VAV3: variants seen among roughly 807,000 people sequenced by gnomAD.
VAV3 encodes the protein guanine nucleotide exchange factor VAV3.
Under a neutral mutation model 131.2 loss-of-function variants are expected in VAV3, and 94 were observed. The observed-to-expected ratio is 0.72, with a 90% CI of 0.61 to 0.85. The LOEUF is 0.85. Among genes scored for constraint, VAV3 ranks in the 40% least tolerant of loss-of-function variants. VAV3 has a pLI of 0.00. For synonymous variants in VAV3, 349 were observed against 342.0 expected (o/e 1.02, Z -0.22); for missense variants, 939 against 1,002.7 (o/e 0.94, Z 0.86).
In VAV3 at chr1:107,866,822, CAAAA is replaced by C. The variant is rs66866060; in HGVS notation, c.321+8075_321+8078del. 5.3e-3 allele frequency among the ~76,000 whole-genome samples: 313 copies of C among 59,152 alleles called. 1 individual carries two copies. Among genetic ancestry groups the C allele is most frequent in the South Asian group, 0.024 (38 of 1,614 alleles). The allele number at this position is 59,152 out of a possible 152,430, so 38.8% of individuals were successfully genotyped here. A position where few individuals can be genotyped will look rare whatever the true frequency, so the allele number is the denominator to read the frequency against. On this transcript the variant is annotated intron_variant, in intron 2 of 26. Coordinates refer to ENST00000370056, the MANE Select transcript of VAV3 (RefSeq NM_006113.5). The stretch of plus-strand genomic sequence containing the variant: ...TGGGCAAAAGAGCGAGACTCCATCT[CAAAA>C]AAAAAAAAAAAAAAAAAAAAAATAG...
At chr1:107,649,375 A>G (rs2101561011) in intron 19 of VAV3, among the ~76,000 whole-genome samples, 1 of 152,242 alleles carries the variant, frequency 6.6e-6, no homozygotes, top group South Asian at 2.1e-4. Flanking sequence ...CTCTTACAGA[A>G]CATGGAAGCA....
intron 1 of VAV3, among the ~76,000 whole-genome samples, chr1:107,896,674 T>C (rs1000523705): frequency 6.7e-6 from 1 of 150,334 alleles, no homozygotes; most frequent in Admixed American, 6.6e-5. Context: ...TGATTCTATA[T>C]GGTTGTTGTA....
chr1:107,581,213 CT>C (rs1208178813), intron 25 of VAV3, among the ~76,000 whole-genome samples: 1 of 152,166 alleles, frequency 6.6e-6, no homozygotes, highest in African/African-American at 2.4e-5. Context: ...AACGGCATAA[CT>C]TTCCCCCTTT....
intron 5 of VAV3, 52 bp downstream of exon 5, chr1:107,772,683 C>T (rs4611048): frequency 0.99 from 1,437,284 of 1,448,268 alleles, 713,819 homozygotes; most frequent in East Asian, 1. Context: ...TGTTAATTAG[C>T]CTTTCCTAAT....
chr1:107,731,869 G>T (rs566745043), intron 15 of VAV3, among the ~76,000 whole-genome samples: 1 of 152,276 alleles, frequency 6.6e-6, no homozygotes, highest in East Asian at 1.9e-4. Flanking sequence ...TTATGAAAAG[G>T]TATTCAGAAT....
chr1:107,780,832 T>A (rs1665646122), intron 2 of VAV3, among the ~76,000 whole-genome samples: 1 of 152,184 alleles, frequency 6.6e-6, no homozygotes, highest in Non-Finnish European at 1.5e-5. Flanking sequence ...TTTATTTTTA[T>A]GATAATAGAT....
At chr1:107,927,137 T>A (rs1409687574) in intron 1 of VAV3, among the ~76,000 whole-genome samples, 2 of 151,576 alleles carry the variant, frequency 1.3e-5, no homozygotes, top group East Asian at 3.9e-4. Context: ...GACATCACAG[T>A]CATGAGCCCT....
At chr1:107,838,819 G>C (rs187362746) in intron 2 of VAV3, among the ~76,000 whole-genome samples, 1 of 152,096 alleles carries the variant, frequency 6.6e-6, no homozygotes, top group East Asian at 1.9e-4. Context: ...GTGCTGGAGC[G>C]TATTAGCCTA....
At chr1:107,906,460 C>A (rs759637456) in intron 1 of VAV3, among the ~76,000 whole-genome samples, 16 of 151,948 alleles carry the variant, frequency 1.1e-4, no homozygotes, top group Non-Finnish European at 1.6e-4. Context: ...GTCAGGAGAT[C>A]GAGACCATCC....
At chr1:107,858,871 T>C (rs1669601906) in intron 2 of VAV3, among the ~76,000 whole-genome samples, 2 of 152,196 alleles carry the variant, frequency 1.3e-5, no homozygotes, top group Admixed American at 6.5e-5. Context: ...ATTCTTCAAA[T>C]GTTCTTGAAA....
chr1:107,618,146 T>C (rs1653307370), intron 20 of VAV3, among the ~76,000 whole-genome samples: 1 of 152,140 alleles, frequency 6.6e-6, no homozygotes, highest in South Asian at 2.1e-4. Context: ...ACTCAGGTAG[T>C]AACGCTTGCT....
At chr1:107,693,895 G>GT (rs990041076) in intron 17 of VAV3, among the ~76,000 whole-genome samples, 8 of 152,122 alleles carry the variant, frequency 5.3e-5, no homozygotes, top group African/African-American at 1.9e-4. Context: ...CATGTGACTA[G>GT]TTTCAGCCAA....
chr1:107,661,765 GTA>G (rs1657040867), intron 19 of VAV3, among the ~76,000 whole-genome samples: 1 of 152,150 alleles, frequency 6.6e-6, no homozygotes, highest in Non-Finnish European at 1.5e-5. Flanking sequence ...CATTCTGCGT[GTA>G]TATGTGTTGT....
intron 1 of VAV3, among the ~76,000 whole-genome samples, chr1:107,927,779 G>C (rs1673233493): frequency 6.6e-6 from 1 of 152,178 alleles, no homozygotes; most frequent in South Asian, 2.1e-4. Flanking sequence ...AACACAGGTA[G>C]ACTTCTAAGA....
chr1:107,754,082 T>G (rs1416456263), intron 12 of VAV3, among the ~76,000 whole-genome samples: 1 of 152,182 alleles, frequency 6.6e-6, no homozygotes, highest in African/African-American at 2.4e-5. Context: ...GGAGACCTTG[T>G]AATACAGCAA....
At chr1:107,904,971 G>A (rs1672034044) in intron 1 of VAV3, among the ~76,000 whole-genome samples, 1 of 152,160 alleles carries the variant, frequency 6.6e-6, no homozygotes, top group African/African-American at 2.4e-5. Context: ...GAAGTAAATA[G>A]GAAATATCTG....
At chr1:107,852,726 T>C (rs540448200) in intron 2 of VAV3, among the ~76,000 whole-genome samples, 81 of 152,314 alleles carry the variant, frequency 5.3e-4, no homozygotes, top group African/African-American at 1.8e-3. Context: ...TATGTAAGAC[T>C]CTCTGAATAT....
chr1:107,799,477 A>G lies in VAV3; in HGVS notation c.322-19985T>C, dbSNP rs556639912. On this transcript the variant is annotated intron_variant, in intron 2 of 26. Transcript: ENST00000370056. ...ACCAAGTCAAAAAAGAAGGTGGGTG[A>G]TTGTTGTCTGGCATAAATATAGAAT... Among the ~76,000 whole-genome samples the G allele has an allele frequency of 2.6e-5, 4 of 152,278 alleles. No homozygotes were observed. In the South Asian group the frequency reaches 8.3e-4, roughly 32 times the overall value.
chr1:107,886,541 GAACA>G (rs1433281960), intron 1 of VAV3, among the ~76,000 whole-genome samples: 11 of 152,156 alleles, frequency 7.2e-5, no homozygotes, highest in African/African-American at 2.2e-4. Context: ...TAAATTGTTG[GAACA>G]AACAAAGTTG....
Sources: gnomAD v4.1 joint callset for allele counts (sites outside exome capture counted in the v4.1 genomes callset) on GRCh38, gnomAD v4.1.1 for gene constraint, MANE v1.5 for transcripts, NCBI Gene and HGNC (gene_info 2026-07-23, HGNC 2026-07-21) for gene names.